GIGYF2: variants seen among roughly 807,000 people sequenced by gnomAD.
GIGYF2 encodes the protein GRB10-interacting GYF protein 2.
Under a neutral mutation model 208.1 loss-of-function variants are expected in GIGYF2, and 25 were observed. The observed-to-expected ratio is 0.12, with a 90% CI of 0.09 to 0.17. The LOEUF is 0.17. Among genes scored for constraint, GIGYF2 ranks in the 10% least tolerant of loss-of-function variants. The pLI, the probability that GIGYF2 is intolerant of heterozygous loss-of-function variation, is 1.00. For synonymous variants in GIGYF2, 534 were observed against 543.8 expected (o/e 0.98, Z 0.25); for missense variants, 1,302 against 1,579.4 (o/e 0.82, Z 2.98).
chr2:232,761,435 A>G lies in GIGYF2; in HGVS notation c.531A>G (p.Val177=). The G allele has an allele frequency of 1.3e-6, 2 of 1,587,970 alleles. No individual in the cohort carries two copies. Among genetic ancestry groups the G allele is most frequent in the South Asian group, 2.2e-5 (2 of 90,484 alleles). The change falls in exon 8 of 29, where the codon GTA becomes GTG. Residue 177 remains valine, a splice_region_variant and synonymous_variant. Coordinates refer to ENST00000373563, the MANE Select transcript of GIGYF2 (RefSeq NM_001103146.3). ...RRFEKPGRKD[V]GRPNFEEGGP... ...TTGAAAAACCAGGACGAAAAGATGT[A>G]GGTAAGGTTCTTACCTACACACATA...
chr2:232,783,328 G>C (rs1034819709), intron 8 of GIGYF2, among the ~76,000 whole-genome samples: 2 of 152,116 alleles, frequency 1.3e-5, no homozygotes, highest in African/African-American at 4.8e-5. Context: ...CCTGGTTTCA[G>C]ATTCTGGTTC....
At chr2:232,821,357 G>A (rs1262468716) in intron 21 of GIGYF2, among the ~76,000 whole-genome samples, 2 of 152,156 alleles carry the variant, frequency 1.3e-5, no homozygotes, top group East Asian at 1.9e-4. Flanking sequence ...GTGCTGCCAC[G>A]CTCGGCTAAT....
At chr2:232,722,432 A>T (rs938340084) in intron 2 of GIGYF2, 2 of 152,304 alleles carry the variant, frequency 1.3e-5, no homozygotes, top group African/African-American at 2.4e-5. Context: ...CCCATGATTC[A>T]GTTACCTCCC....
At position 232,791,535 on chromosome 2, in the gene GIGYF2, A is replaced by G. The variant is rs1186206732; in HGVS notation, c.1282+89A>G. 1.5e-5 allele frequency: 17 copies of G among 1,102,400 alleles called. No individual in the cohort carries two copies. The East Asian group carries it at 3.6e-4, about 23-fold the overall frequency. The allele number at this position is 1,102,400 out of a possible 1,614,324, so 68.3% of individuals were successfully genotyped here. A position where few individuals can be genotyped will look rare whatever the true frequency, so the allele number is the denominator to read the frequency against. On this transcript the variant is annotated intron_variant, in intron 12 of 28. Transcript: ENST00000373563. ...AGTTAGGCTTCTGCTTATGCCTCCTAGAACTGCTTTTAGTGGGTGAATTAT... is the reference window on the plus strand; with the variant it reads ...AGTTAGGCTTCTGCTTATGCCTCCTGGAACTGCTTTTAGTGGGTGAATTAT...
chr2:232,816,801 C>T (rs1026983493), intron 19 of GIGYF2, 70 bp from the exon 20 acceptor site: 3 of 1,142,380 alleles, frequency 2.6e-6, no homozygotes, highest in Admixed American at 1.7e-5. Flanking sequence ...ACGAATACTA[C>T]TGGTCAGTGC....
intron 1 of GIGYF2, among the ~76,000 whole-genome samples, chr2:232,699,419 A>ATCTC (rs2106236748): frequency 6.6e-6 from 1 of 152,174 alleles, no homozygotes; most frequent in South Asian, 2.1e-4. Flanking sequence ...CTTTTTTCTT[A>ATCTC]TCTCTTGTGA....
chr2:232,747,568 C>G (rs1698191528), intron 3 of GIGYF2, 47 bp from the exon 4 acceptor site: 1 of 1,610,240 alleles, frequency 6.2e-7, no homozygotes, highest in Non-Finnish European at 8.5e-7. Context: ...TATAAAAAGT[C>G]TGTAGCACCA....
rs1444532378 is a variant in GIGYF2, at chr2:232,749,232, T to A, written c.267+150T>A. On this transcript the variant is annotated intron_variant, in intron 5 of 28. Transcript: ENST00000373563. ...TCTTGGTATGTTGATGCTTATTAGTTGACTAGATTTTGCTGTAGTATCTGT... is the reference window on the plus strand; with the variant it reads ...TCTTGGTATGTTGATGCTTATTAGTAGACTAGATTTTGCTGTAGTATCTGT... 5.7e-6 allele frequency: 4 copies of A among 705,278 alleles called. No homozygotes were observed. The African/African-American group carries it at 7.0e-5, about 12-fold the overall frequency. The allele number at this position is 705,278 out of a possible 1,614,324, so 43.7% of individuals were successfully genotyped here. A position where few individuals can be genotyped will look rare whatever the true frequency, so the allele number is the denominator to read the frequency against.
At chr2:232,723,762 C>T (rs1454880599) in intron 2 of GIGYF2, among the ~76,000 whole-genome samples, 8 of 74,678 alleles carry the variant, frequency 1.1e-4, no homozygotes, top group Middle Eastern at 0.017. Context: ...GATGGAGTTT[C>T]GCTCTTGTTG....
At chr2:232,764,949 A>G (rs1698894956) in intron 8 of GIGYF2, among the ~76,000 whole-genome samples, 1 of 152,200 alleles carries the variant, frequency 6.6e-6, no homozygotes, top group Non-Finnish European at 1.5e-5. Context: ...CCATTGGTAT[A>G]TCTTTGAAAA....
chr2:232,741,469 A>G (rs1221935999), intron 3 of GIGYF2, among the ~76,000 whole-genome samples: 1 of 150,780 alleles, frequency 6.6e-6, no homozygotes, highest in Non-Finnish European at 1.5e-5. Flanking sequence ...TTGAAATGGA[A>G]TCTCACTCTG....
intron 21 of GIGYF2, among the ~76,000 whole-genome samples, chr2:232,831,854 AT>A (rs1701432456): frequency 6.6e-6 from 1 of 152,166 alleles, no homozygotes; most frequent in Non-Finnish European, 1.5e-5. Flanking sequence ...TCTGGGAAGA[AT>A]TTCTTCCTTA....
chr2:232,758,909 G>A (rs1180386353), intron 6 of GIGYF2, among the ~76,000 whole-genome samples: 1 of 152,116 alleles, frequency 6.6e-6, no homozygotes, highest in Non-Finnish European at 1.5e-5. Flanking sequence ...CTTAAATACA[G>A]TGTATACATT....
At chr2:232,763,891 A>G (rs1425519157) in intron 8 of GIGYF2, among the ~76,000 whole-genome samples, 1 of 152,108 alleles carries the variant, frequency 6.6e-6, no homozygotes, top group Non-Finnish European at 1.5e-5. Context: ...GTACTGTAAT[A>G]TTTTTTGATC....
intron 8 of GIGYF2, chr2:232,776,300 A>T (rs41266951): frequency 0.19 from 102,266 of 541,790 alleles, 11,150 homozygotes; most frequent in Non-Finnish European, 0.22. Flanking sequence ...AAAAGAATAT[A>T]GAAACCTTAC....
chr2:232,783,779 C>T (rs530852323), intron 8 of GIGYF2, among the ~76,000 whole-genome samples: 19 of 152,158 alleles, frequency 1.2e-4, no homozygotes, highest in African/African-American at 4.6e-4. Flanking sequence ...CTCTGCCACC[C>T]GCTTCAAGTG....
chr2:232,810,742 C>G (rs917932576), intron 16 of GIGYF2: 1 of 187,022 alleles, frequency 5.3e-6, no homozygotes, highest in Non-Finnish European at 1.1e-5. Flanking sequence ...TACTCTCTGG[C>G]CCATTACAAA....
At chr2:232,780,428 T>G (rs931709036) in intron 8 of GIGYF2, among the ~76,000 whole-genome samples, 104 of 152,352 alleles carry the variant, frequency 6.8e-4, no homozygotes, top group African/African-American at 2.4e-3. Flanking sequence ...TATATCGTTT[T>G]CCTCATAGTC....
intron 5 of GIGYF2, among the ~76,000 whole-genome samples, chr2:232,751,497 G>A (rs772034285): frequency 1.3e-5 from 2 of 151,892 alleles, no homozygotes; most frequent in African/African-American, 2.4e-5. Flanking sequence ...GATTACAGGC[G>A]TGAACCACCA....
Sources: gnomAD v4.1 joint callset for allele counts (sites outside exome capture counted in the v4.1 genomes callset) on GRCh38, gnomAD v4.1.1 for gene constraint, MANE v1.5 for transcripts, NCBI Gene and HGNC (gene_info 2026-07-23, HGNC 2026-07-21) for gene names.